Variants in TMCC1 observed in about 807,000 individuals in gnomAD.
The protein encoded by TMCC1 is transmembrane and coiled-coil domains protein 1.
TMCC1 carries 15 observed loss-of-function variants against 52.4 expected under a neutral mutation model. That is an observed-to-expected ratio of 0.29 (90% CI 0.19 to 0.44). TMCC1 has a LOEUF of 0.44. Among genes scored for constraint, TMCC1 ranks in the 20% least tolerant of loss-of-function variants. TMCC1 has a pLI of 1.00. For missense variants in TMCC1, 503 were observed against 806.0 expected (o/e 0.62, Z 4.55); for synonymous variants, 279 against 301.9 (o/e 0.92, Z 0.79).
At chr3:129,819,711 G>C (rs2058313914) in intron 4 of TMCC1, 1 of 152,080 alleles carries the variant, frequency 6.6e-6, no homozygotes, top group Admixed American at 6.6e-5. Flanking sequence ...TGAAGAACGG[G>C]AACAGTTAGA....
intron 5 of TMCC1, among the ~76,000 whole-genome samples, chr3:129,662,050 A>G (rs2087072922): frequency 6.6e-6 from 1 of 152,138 alleles, no homozygotes; most frequent in Non-Finnish European, 1.5e-5. Context: ...AAAAGGGAAG[A>G]TACATGTTTT....
At chr3:129,665,980 CTG>C (rs1380604882) in intron 5 of TMCC1, among the ~76,000 whole-genome samples, 1 of 152,202 alleles carries the variant, frequency 6.6e-6, no homozygotes, top group Non-Finnish European at 1.5e-5. Flanking sequence ...AACAGCAACA[CTG>C]TGCATGGCCT....
At chr3:129,838,906 A>G (rs2059295890) in intron 2 of TMCC1, among the ~76,000 whole-genome samples, 1 of 152,114 alleles carries the variant, frequency 6.6e-6, no homozygotes, top group African/African-American at 2.4e-5. Flanking sequence ...ACCATCAGAA[A>G]CTTCGTAAGA....
At chr3:129,774,489 C>T (rs2054866060) in intron 4 of TMCC1, among the ~76,000 whole-genome samples, 1 of 152,040 alleles carries the variant, frequency 6.6e-6, no homozygotes, top group African/African-American at 2.4e-5. Flanking sequence ...AGATACTGTC[C>T]CTGCCCTCAT....
At chr3:129,810,226 C>T (rs543328631) in intron 4 of TMCC1, among the ~76,000 whole-genome samples, 32 of 152,118 alleles carry the variant, frequency 2.1e-4, no homozygotes, top group Middle Eastern at 3.4e-3. Context: ...GGCATGGTGG[C>T]GGGCACGTGT....
chr3:129,820,103 C>T (rs528400284), intron 4 of TMCC1, among the ~76,000 whole-genome samples: 49 of 145,390 alleles, frequency 3.4e-4, no homozygotes, highest in African/African-American at 1.1e-3. Context: ...GCCTTGAAGA[C>T]GCCTACTAGA....
At chr3:129,787,876 T>C (rs935416825) in intron 4 of TMCC1, among the ~76,000 whole-genome samples, 1 of 152,220 alleles carries the variant, frequency 6.6e-6, no homozygotes, top group African/African-American at 2.4e-5. Context: ...TTAAGAAAAC[T>C]ATTGGCAATG....
At chr3:129,690,886 A>G (rs990829854) in intron 4 of TMCC1, among the ~76,000 whole-genome samples, 20 of 152,348 alleles carry the variant, frequency 1.3e-4, no homozygotes, top group Admixed American at 1.0e-3. Flanking sequence ...ATGGCAATGA[A>G]TTTATCTGAC....
At chr3:129,698,070 T>C (rs1259048681) in intron 4 of TMCC1, among the ~76,000 whole-genome samples, 1 of 152,204 alleles carries the variant, frequency 6.6e-6, no homozygotes, top group Non-Finnish European at 1.5e-5. Flanking sequence ...TTTGGGTATC[T>C]TAATAGCAGT....
chr3:129,816,751 T>C (rs1418713015), intron 4 of TMCC1, among the ~76,000 whole-genome samples: 2 of 152,144 alleles, frequency 1.3e-5, no homozygotes, highest in African/African-American at 4.8e-5. Context: ...AGGCCAGGCA[T>C]AATGGCTCAT....
intron 2 of TMCC1, among the ~76,000 whole-genome samples, chr3:129,846,867 TAAAAAAAA>T (rs34419693): frequency 7.2e-5 from 3 of 41,884 alleles, no homozygotes; most frequent in Non-Finnish European, 1.2e-4. Flanking sequence ...CAATCTCTAC[TAAAAAAAA>T]AAAAAAAAAA....
At chr3:129,753,754 A>G (rs2107660744) in intron 4 of TMCC1, among the ~76,000 whole-genome samples, 1 of 152,324 alleles carries the variant, frequency 6.6e-6, no homozygotes, top group African/African-American at 2.4e-5. Flanking sequence ...TTTAATGGTG[A>G]GAGAATGAAT....
intron 4 of TMCC1, among the ~76,000 whole-genome samples, chr3:129,730,558 C>A (rs190976207): frequency 5.9e-5 from 9 of 152,264 alleles, no homozygotes; most frequent in Non-Finnish European, 1.3e-4. Context: ...GTTACTGTAG[C>A]TTTATGGTAA....
chr3:129,678,866 T>A (rs991759496), intron 4 of TMCC1, among the ~76,000 whole-genome samples: 1 of 152,192 alleles, frequency 6.6e-6, no homozygotes, highest in African/African-American at 2.4e-5. Context: ...GTCCTAGCAA[T>A]GCAACAGTCT....
chr3:129,862,675 T>C (rs962278978), intron 2 of TMCC1, among the ~76,000 whole-genome samples: 4 of 152,106 alleles, frequency 2.6e-5, no homozygotes, highest in South Asian at 4.1e-4. Flanking sequence ...ACAGCACAGA[T>C]AGAAGGAAAA....
At chr3:129,870,354 C>A (rs2060852230) in intron 2 of TMCC1, among the ~76,000 whole-genome samples, 1 of 152,098 alleles carries the variant, frequency 6.6e-6, no homozygotes, top group South Asian at 2.1e-4. Context: ...GGAAATCTTA[C>A]AACTTCTGAA....
chr3:129,678,589 C>T lies in TMCC1; in HGVS notation c.577-7325G>A, dbSNP rs377013723. ...CTTGGCCAGGCTGGTCTTAAACTCC[C>T]GACCTCATGATCCACCCGCCTCAGC... On this transcript the variant is annotated intron_variant, in intron 4 of 6. Coordinates refer to ENST00000393238, the MANE Select transcript of TMCC1 (RefSeq NM_001017395.5). 9.9e-5 allele frequency among the ~76,000 whole-genome samples: 15 copies of T among 150,850 alleles called. No individual in the cohort carries two copies. The East Asian group carries it at 2.0e-3, about 20-fold the overall frequency.
chr3:129,713,215 T>C (rs1056963854), intron 4 of TMCC1, among the ~76,000 whole-genome samples: 1 of 152,202 alleles, frequency 6.6e-6, no homozygotes, highest in African/African-American at 2.4e-5. Context: ...TGAGCAGTGA[T>C]CATGCCACTG....
At chr3:129,871,333 C>T (rs1483817329) in intron 2 of TMCC1, among the ~76,000 whole-genome samples, 1 of 141,318 alleles carries the variant, frequency 7.1e-6, no homozygotes, top group Non-Finnish European at 1.5e-5. Context: ...GCACTCCAAA[C>T]TGGGCCTAGG....
Sources: allele counts gnomAD v4.1 joint callset (sites outside exome capture counted in the v4.1 genomes callset), GRCh38; gene constraint gnomAD v4.1.1; transcripts MANE v1.5; gene names NCBI Gene and HGNC (gene_info 2026-07-23, HGNC 2026-07-21).